Variants in PPP3CA observed in about 807,000 individuals in gnomAD.
PPP3CA encodes CAM-PRP catalytic subunit.
PPP3CA carries 14 observed loss-of-function variants against 66.5 expected under a neutral mutation model. The ratio of observed to expected loss-of-function variants is 0.21; its 90% CI spans 0.14 to 0.33. PPP3CA has a LOEUF of 0.33. Among genes scored for constraint, PPP3CA ranks in the 10% least tolerant of loss-of-function variants. The pLI, the probability that PPP3CA is intolerant of heterozygous loss-of-function variation, is 1.00. For synonymous variants in PPP3CA, 232 were observed against 226.2 expected (o/e 1.03, Z -0.23); for missense variants, 317 against 639.5 (o/e 0.50, Z 5.44).
chr4:101,037,848 CA>C (rs1727320244), intron 11 of PPP3CA, among the ~76,000 whole-genome samples: 1 of 152,164 alleles, frequency 6.6e-6, no homozygotes, highest in Admixed American at 6.5e-5. Context: ...ATTCCTCACT[CA>C]CCTTCATGTC....
intron 1 of PPP3CA, among the ~76,000 whole-genome samples, chr4:101,235,488 T>G (rs145862045): frequency 6.6e-6 from 1 of 151,610 alleles, no homozygotes; most frequent in Non-Finnish European, 1.5e-5. Context: ...TTTGTATCAC[T>G]GTTAGCACGG....
chr4:101,328,295 A>G lies in PPP3CA; in HGVS notation c.58+18444T>C, dbSNP rs187469530. Among the ~76,000 whole-genome samples the G allele has an allele frequency of 9.8e-5, 15 of 152,328 alleles. No homozygotes were observed. The East Asian group carries it at 2.9e-3, about 29-fold the overall frequency. On this transcript the variant is annotated intron_variant, in intron 1 of 13. Coordinates refer to ENST00000394854, the MANE Select transcript of PPP3CA (RefSeq NM_000944.5). ...TGTCTCCAATCACCTGCCTCAGGAG[A>G]AGCACTAAAATTCTCAATCACCATC...
At chr4:101,030,557 T>A (rs1455510922) in intron 12 of PPP3CA, among the ~76,000 whole-genome samples, 1 of 152,050 alleles carries the variant, frequency 6.6e-6, no homozygotes, top group Non-Finnish European at 1.5e-5. Context: ...TGTGTGTAGG[T>A]TGAACCATAG....
intron 10 of PPP3CA, 57 bp downstream of exon 10, chr4:101,061,030 G>A: frequency 7.3e-7 from 1 of 1,370,934 alleles, no homozygotes; most frequent in Non-Finnish European, 1.0e-6. Flanking sequence ...ATTTAGCAAT[G>A]AGACTCTAAG....
chr4:101,045,534 C>CA (rs1454573996), intron 10 of PPP3CA, among the ~76,000 whole-genome samples: 1 of 151,982 alleles, frequency 6.6e-6, no homozygotes, highest in African/African-American at 2.4e-5. Flanking sequence ...AAATAAACGC[C>CA]AAAAAGAAAG....
chr4:101,292,119 C>T (rs1728048314), intron 1 of PPP3CA, among the ~76,000 whole-genome samples: 1 of 151,040 alleles, frequency 6.6e-6, no homozygotes, highest in Admixed American at 6.6e-5. Flanking sequence ...CACACACACA[C>T]ACACACACAC....
intron 2 of PPP3CA, among the ~76,000 whole-genome samples, chr4:101,171,468 A>C (rs994658100): frequency 6.6e-6 from 1 of 152,158 alleles, no homozygotes. Flanking sequence ...AATAATAGCT[A>C]AATCTTATTG....
intron 1 of PPP3CA, among the ~76,000 whole-genome samples, chr4:101,244,911 T>G (rs1222182418): frequency 6.6e-6 from 1 of 152,076 alleles, no homozygotes. Context: ...AAGGAGACTA[T>G]TTAAAGTCAT....
intron 11 of PPP3CA, among the ~76,000 whole-genome samples, chr4:101,036,213 T>C (rs561294244): frequency 3.7e-4 from 57 of 152,362 alleles, no homozygotes; most frequent in African/African-American, 1.3e-3. Flanking sequence ...TTTCTGTTTC[T>C]ACCCCTTTTA....
chr4:101,099,192 G>C (rs1730334457), intron 4 of PPP3CA, among the ~76,000 whole-genome samples: 1 of 152,142 alleles, frequency 6.6e-6, no homozygotes, highest in Non-Finnish European at 1.5e-5. Flanking sequence ...TATGTCTAAA[G>C]AATGACATCA....
intron 2 of PPP3CA, among the ~76,000 whole-genome samples, chr4:101,133,578 G>A (rs1722519549): frequency 6.6e-6 from 1 of 152,036 alleles, no homozygotes; most frequent in African/African-American, 2.4e-5. Flanking sequence ...ACAAACCACT[G>A]CTCAAAGAAA....
chr4:101,091,969 C>T (rs73833212), intron 6 of PPP3CA, among the ~76,000 whole-genome samples: 2,297 of 151,730 alleles, frequency 0.015, 61 homozygotes, highest in African/African-American at 0.051. Context: ...CTTTCACTCT[C>T]GCAATTTTCA....
chr4:101,105,572 GA>G (rs756545474), intron 3 of PPP3CA, among the ~76,000 whole-genome samples: 8 of 149,692 alleles, frequency 5.3e-5, no homozygotes, highest in African/African-American at 1.7e-4. Context: ...CACTCTTCAA[GA>G]AAAAAAACAA....
Position 101,026,059 on chromosome 4 carries a change from T to G in PPP3CA, c.1372A>C (p.Ile458Leu). 6.3e-7 allele frequency: 1 copy of G among 1,583,846 alleles called. No homozygotes were observed. The highest frequency in any genetic ancestry group is 1.1e-5 in the South Asian group (1 of 86,970). ...TTATGTTGTGGTGAAAATCCTTTGATAGCTAAACAGAAAATCATTAAAAAA... is the reference window on the plus strand; with the variant it reads ...TTATGTTGTGGTGAAAATCCTTTGAGAGCTAAACAGAAAATCATTAAAAAA... ...TVEAIEADEA[I>L]KGFSPQHKIT... Residue 458 changes from isoleucine (I) to leucine (L), a missense_variant and splice_region_variant, in exon 14 of 14, where the codon ATC becomes CTC. By Grantham distance (5) the Ile-to-Leu change is conservative. Coordinates refer to ENST00000394854, the MANE Select transcript of PPP3CA (RefSeq NM_000944.5).
chr4:101,263,722 G>T (rs1172120127), intron 1 of PPP3CA, among the ~76,000 whole-genome samples: 11 of 151,116 alleles, frequency 7.3e-5, no homozygotes, highest in African/African-American at 2.7e-4. Context: ...GACTGACAGG[G>T]GTCTATTGAT....
intron 1 of PPP3CA, among the ~76,000 whole-genome samples, chr4:101,292,120 ACACACACACACG>A (rs1728048421): frequency 6.8e-6 from 1 of 146,780 alleles, no homozygotes; most frequent in African/African-American, 2.7e-5. Context: ...ACACACACAC[ACACACACACACG>A]GCCCCTATAG....
intron 2 of PPP3CA, among the ~76,000 whole-genome samples, chr4:101,150,360 T>C (rs1723099095): frequency 6.6e-6 from 1 of 152,218 alleles, no homozygotes; most frequent in South Asian, 2.1e-4. Context: ...TAGGCAGTAT[T>C]GTGCAGTGTG....
At chr4:101,327,772 C>A (rs1164220151) in intron 1 of PPP3CA, among the ~76,000 whole-genome samples, 2 of 152,046 alleles carry the variant, frequency 1.3e-5, no homozygotes, top group African/African-American at 2.4e-5. Context: ...ACACACACAG[C>A]AGGAAAGTTG....
At chr4:101,296,788 C>T (rs768623492) in intron 1 of PPP3CA, among the ~76,000 whole-genome samples, 2 of 152,026 alleles carry the variant, frequency 1.3e-5, no homozygotes, top group Admixed American at 6.5e-5. Flanking sequence ...AATTGATAAA[C>T]TAAAAAGTCA....
Sources: gnomAD v4.1 joint callset for allele counts (sites outside exome capture counted in the v4.1 genomes callset) on GRCh38, gnomAD v4.1.1 for gene constraint, MANE v1.5 for transcripts, NCBI Gene and HGNC (gene_info 2026-07-23, HGNC 2026-07-21) for gene names.